Variants in TTLL4 observed in about 807,000 individuals in gnomAD.
The protein encoded by TTLL4 is tubulin tyrosine ligase like 4.
A neutral mutation model predicts 122.7 loss-of-function variants in TTLL4; 85 were observed. The observed-to-expected ratio is 0.69, with a 90% CI of 0.58 to 0.83. The LOEUF (loss-of-function observed/expected upper bound fraction) is 0.83. TTLL4 is among the 40% of genes least tolerant of loss of function. TTLL4 has a pLI of 0.00. For missense variants in TTLL4, 1,363 were observed against 1,488.6 expected (o/e 0.92, Z 1.39); for synonymous variants, 553 against 563.0 (o/e 0.98, Z 0.25).
chr2:218,718,271 G>A (rs1941926655), intron 1 of TTLL4, among the ~76,000 whole-genome samples: 1 of 152,156 alleles, frequency 6.6e-6, no homozygotes, highest in African/African-American at 2.4e-5. Context: ...TTAATTAGTG[G>A]GTAATGAATA....
intron 7 of TTLL4, 124 bp from the exon 8 acceptor site, chr2:218,746,031 C>T: frequency 8.7e-7 from 1 of 1,150,526 alleles, no homozygotes; most frequent in South Asian, 1.3e-5. Context: ...TCATGTAGGA[C>T]AGCTCCATAG....
Position 218,753,629 on chromosome 2 carries a change from A to T in TTLL4, c.3304A>T (p.Ile1102Leu). 6.2e-7 allele frequency: 1 copy of T among 1,614,184 alleles called. No homozygotes were observed. The highest frequency in any genetic ancestry group is 8.5e-7 in the Non-Finnish European group (1 of 1,180,048). Residue 1102 changes from isoleucine to leucine, a missense_variant, in exon 19 of 20, where the codon ATA becomes TTA. Physicochemically the swap from Ile to Leu is conservative, Grantham distance 5. Coordinates refer to ENST00000392102, the MANE Select transcript of TTLL4 (RefSeq NM_014640.5). ...TCTGACTATCTCAAAGGATGACGTG[A>T]TACTCAATGCCTTCAGCAAATCAGA... ...SLLTISKDDV[I>L]LNAFSKSETS...
At chr2:218,757,566 T>G (rs1278282558), downstream of TTLL4, among the ~76,000 whole-genome samples, 1 of 151,982 alleles carries the variant, frequency 6.6e-6, no homozygotes, top group African/African-American at 2.4e-5. Context: ...TAAGAGAACT[T>G]GATTGGAACT....
intron 16 of TTLL4, among the ~76,000 whole-genome samples, 200 bp downstream of exon 16, chr2:218,752,006 C>T (rs1245395320): frequency 1.4e-5 from 2 of 145,776 alleles, no homozygotes; most frequent in East Asian, 3.9e-4. Context: ...CTCCCAGGTT[C>T]AAGTGATTCT....
intron 1 of TTLL4, among the ~76,000 whole-genome samples, chr2:218,720,838 C>G (rs1014484355): frequency 4.6e-5 from 7 of 152,038 alleles, no homozygotes; most frequent in South Asian, 4.2e-4. Flanking sequence ...GGCTGATTGC[C>G]GAGAGAACCA....
At chr2:218,719,603 A>G (rs908656944) in intron 1 of TTLL4, among the ~76,000 whole-genome samples, 17 of 151,770 alleles carry the variant, frequency 1.1e-4, no homozygotes, top group South Asian at 6.2e-4. Flanking sequence ...AGGGTCGACT[A>G]TGGAGTCTTG....
At chr2:218,735,279 G>T (rs1250455631) in intron 2 of TTLL4, among the ~76,000 whole-genome samples, 1 of 152,058 alleles carries the variant, frequency 6.6e-6, no homozygotes, top group African/African-American at 2.4e-5. Flanking sequence ...ATCTCTCCTA[G>T]GGCTGGGTTC....
At chr2:218,753,983 A>T in intron 19 of TTLL4, 151 bp from the exon 20 acceptor site, 1 of 1,223,778 alleles carries the variant, frequency 8.2e-7, no homozygotes, top group Non-Finnish European at 1.1e-6. Flanking sequence ...AAGTAAATAG[A>T]ATTTTTTTTA....
In TTLL4 at chr2:218,753,133, G is replaced by A. The variant is rs759514706; in HGVS notation, c.3206G>A (p.Ser1069Asn). Residue 1069 changes from serine to asparagine, a missense_variant, in exon 18 of 20, where the codon AGT (serine) becomes AAT (asparagine). Coordinates refer to ENST00000392102, the MANE Select transcript of TTLL4 (RefSeq NM_014640.5). Reference sequence around the variant, plus strand: ...GTCCTAGGAGTAGATCTGCTCCGGAGTTGGTGCTACAAAGGGTTCCACATG... The same window carrying A: ...GTCCTAGGAGTAGATCTGCTCCGGAATTGGTGCTACAAAGGGTTCCACATG... The part of the protein sequence containing the change: ...NKLKGVDLLR[S>N]WCYKGFHMGV... 19 of 1,614,036 alleles carry A rather than the reference G, an allele frequency of 1.2e-5. No individual in the cohort carries two copies. The highest frequency in any genetic ancestry group is 2.7e-5 in the African/African-American group (2 of 74,926).
intron 1 of TTLL4, among the ~76,000 whole-genome samples, chr2:218,712,165 G>C (rs552059288): frequency 6.6e-6 from 1 of 152,178 alleles, no homozygotes; most frequent in East Asian, 1.9e-4. Context: ...CAGTTTGACA[G>C]ACCTGGGCTA....
chr2:218,728,449 G>C (rs1169394492), intron 2 of TTLL4, among the ~76,000 whole-genome samples: 2 of 152,138 alleles, frequency 1.3e-5, no homozygotes, highest in Non-Finnish European at 2.9e-5. Context: ...ATCTAATGTT[G>C]CCGCTGAGCC....
rs374651991 is a variant in TTLL4, at chr2:218,753,489, C to T, written c.3259-95C>T. 5 of 1,223,144 alleles carry T rather than the reference C, an allele frequency of 4.1e-6. No homozygotes were observed. In the African/African-American group the frequency reaches 7.4e-5, roughly 18 times the overall value. The allele number at this position is 1,223,144 out of a possible 1,614,324, so 75.8% of individuals were successfully genotyped here. A position where few individuals can be genotyped will look rare whatever the true frequency, so the allele number is the denominator to read the frequency against. On this transcript the variant is annotated intron_variant, in intron 18 of 19. Transcript: ENST00000392102. ...GTAGGGAAGGGGAGAACCCCATGAT[C>T]CATTTAGAGGTAGAGCTGGAGGGTA...
downstream of TTLL4, among the ~76,000 whole-genome samples, chr2:218,755,568 C>T (rs1016940283): frequency 6.6e-6 from 1 of 152,156 alleles, no homozygotes; most frequent in African/African-American, 2.4e-5. Flanking sequence ...TCTCTGAAGC[C>T]GTGCTCCTTC....
At chr2:218,713,225 A>T (rs955764207) in intron 1 of TTLL4, among the ~76,000 whole-genome samples, 1 of 152,138 alleles carries the variant, frequency 6.6e-6, no homozygotes, top group Non-Finnish European at 1.5e-5. Context: ...ACAAAAAAAA[A>T]TATGTAAAAA....
At position 218,746,384 on chromosome 2, in the gene TTLL4, C is replaced by T. The variant is rs1942843576; in HGVS notation, c.1974+153C>T. 1.3e-5 allele frequency: 9 copies of T among 715,318 alleles called. 1 individual carries two copies. Among genetic ancestry groups the T allele is most frequent in the Non-Finnish European group, 2.1e-5 (9 of 422,332 alleles). The allele number at this position is 715,318 out of a possible 1,614,324, so 44.3% of individuals were successfully genotyped here. A position where few individuals can be genotyped will look rare whatever the true frequency, so the allele number is the denominator to read the frequency against. On this transcript the variant is annotated intron_variant, in intron 8 of 19. Coordinates refer to ENST00000392102, the MANE Select transcript of TTLL4 (RefSeq NM_014640.5). ...GAGGAGAAAGTACAGGACGGGGGTA[C>T]AGTGAGAGACTCCAGTGGATCACGT...
At chr2:218,742,594 G>T (rs1942731172) in intron 5 of TTLL4, among the ~76,000 whole-genome samples, 1 of 152,224 alleles carries the variant, frequency 6.6e-6, no homozygotes, top group Non-Finnish European at 1.5e-5. Context: ...TAGACTAGAA[G>T]CCAGGTCTCT....
Position 218,740,187 on chromosome 2 carries a change from A to G in TTLL4, c.1597+20A>G. Reference sequence around the variant, plus strand: ...AGGAGGGTGAGTAGGAAACCCTTTCACTTCCAACTAGGAGTTGGTTATGAC... The same window carrying G: ...AGGAGGGTGAGTAGGAAACCCTTTCGCTTCCAACTAGGAGTTGGTTATGAC... On this transcript the variant is annotated intron_variant, in intron 4 of 19. Coordinates refer to ENST00000392102, the MANE Select transcript of TTLL4 (RefSeq NM_014640.5). 3.1e-6 allele frequency: 5 copies of G among 1,611,266 alleles called. No homozygotes were observed. The highest frequency in any genetic ancestry group is 4.2e-6 in the Non-Finnish European group (5 of 1,177,600).
At chr2:218,716,606 G>A (rs146776516) in intron 1 of TTLL4, among the ~76,000 whole-genome samples, 5,479 of 152,190 alleles carry the variant, frequency 0.036, 319 homozygotes, top group African/African-American at 0.13. Context: ...TGGCTAACAC[G>A]GTGAAACCCT....
chr2:218,750,943 C>A (rs548016167), intron 15 of TTLL4, among the ~76,000 whole-genome samples: 7 of 151,826 alleles, frequency 4.6e-5, no homozygotes. Context: ...TTACTTAGTA[C>A]CTGAGATGTG....
Sources: gnomAD v4.1 joint callset for allele counts (sites outside exome capture counted in the v4.1 genomes callset) on GRCh38, gnomAD v4.1.1 for gene constraint, MANE v1.5 for transcripts, NCBI Gene and HGNC (gene_info 2026-07-23, HGNC 2026-07-21) for gene names.